SUPT3H: variants seen among roughly 807,000 people sequenced by gnomAD.
SUPT3H encodes the protein SPT3 homolog, SAGA and STAGA complex component.
SUPT3H carries 44 observed loss-of-function variants against 44.3 expected under a neutral mutation model. That is an observed-to-expected ratio of 0.99 (90% CI 0.78 to 1.28). SUPT3H has a LOEUF of 1.28. SUPT3H is among the 50% of genes most tolerant of loss of function. The probability of loss-of-function intolerance (pLI) is 0.00; values close to 1 mark genes in which losing one functional copy is unlikely to be tolerated. For synonymous variants in SUPT3H, 124 were observed against 125.6 expected, an observed-to-expected ratio of 0.99 and a Z score of 0.09; for missense variants, 380 against 387.1, an observed-to-expected ratio of 0.98 and a Z score of 0.15.
intron 10 of SUPT3H, among the ~76,000 whole-genome samples, chr6:44,884,948 GCA>G (rs1342457552): frequency 6.6e-6 from 1 of 151,890 alleles, no homozygotes; most frequent in Non-Finnish European, 1.5e-5. Context: ...AAAAAACGGC[GCA>G]CCAGGAGATT....
intron 10 of SUPT3H, among the ~76,000 whole-genome samples, chr6:44,893,840 A>G (rs1288315315): frequency 2.9e-5 from 4 of 138,718 alleles, no homozygotes; most frequent in Non-Finnish European, 6.4e-5. Flanking sequence ...TCCCACCAAC[A>G]GTGTAAAAGT....
chr6:44,830,019 C>G (rs1768340923), intron 10 of SUPT3H, 162 bp from the exon 11 acceptor site: 1 of 636,878 alleles, frequency 1.6e-6, no homozygotes, highest in Non-Finnish European at 2.7e-6. Flanking sequence ...CTATAGCAAC[C>G]ATTCTGTCTA....
intron 10 of SUPT3H, among the ~76,000 whole-genome samples, chr6:44,842,620 T>TA (rs1771143395): frequency 1.3e-5 from 2 of 152,030 alleles, no homozygotes; most frequent in African/African-American, 4.8e-5. Flanking sequence ...CTATTTTTTT[T>TA]TAAAAAAATG....
intron 11 of SUPT3H, among the ~76,000 whole-genome samples, chr6:44,812,078 G>A (rs73737580): frequency 0.019 from 2,825 of 152,238 alleles, 91 homozygotes; most frequent in African/African-American, 0.064. Context: ...TACAAATGCA[G>A]TTGTGTAATA....
intron 6 of SUPT3H, among the ~76,000 whole-genome samples, chr6:44,964,031 A>G (rs1562149996): frequency 6.6e-6 from 1 of 152,108 alleles, no homozygotes; most frequent in East Asian, 1.9e-4. Flanking sequence ...GTTTATTTAA[A>G]TAAACTCTCT....
chr6:44,980,786 AT>A (rs1778986417), intron 6 of SUPT3H, among the ~76,000 whole-genome samples: 1 of 152,208 alleles, frequency 6.6e-6, no homozygotes, highest in African/African-American at 2.4e-5. Flanking sequence ...ACTTACAAAC[AT>A]TTTTTTAAAT....
intron 3 of SUPT3H, among the ~76,000 whole-genome samples, chr6:45,059,491 G>C (rs555616864): frequency 6.6e-6 from 1 of 152,012 alleles, no homozygotes; most frequent in African/African-American, 2.4e-5. Context: ...ATACTGAATG[G>C]GCAAAAGCTG....
At chr6:45,074,841 A>G (rs1344639408) in intron 3 of SUPT3H, among the ~76,000 whole-genome samples, 1 of 152,134 alleles carries the variant, frequency 6.6e-6, no homozygotes, top group African/African-American at 2.4e-5. Context: ...ATTTACAGAT[A>G]TTATACATAC....
At chr6:45,128,573 C>T (rs1372342188) in intron 2 of SUPT3H, among the ~76,000 whole-genome samples, 2 of 126,714 alleles carry the variant, frequency 1.6e-5, no homozygotes, top group African/African-American at 3.0e-5. Context: ...CACACACACA[C>T]ACACACACAC....
At chr6:45,111,544 A>C (rs1201750154) in intron 2 of SUPT3H, among the ~76,000 whole-genome samples, 6 of 132,908 alleles carry the variant, frequency 4.5e-5, no homozygotes, top group Non-Finnish European at 9.4e-5. Flanking sequence ...CCCCGCAAAA[A>C]AAACAAGCAA....
chr6:45,127,353 C>A (rs1328839736), intron 2 of SUPT3H, among the ~76,000 whole-genome samples: 1 of 152,056 alleles, frequency 6.6e-6, no homozygotes. Flanking sequence ...ACTATGAACA[C>A]TGTCCTCATA....
At chr6:45,288,622 T>C (rs1194398830) in intron 2 of SUPT3H, among the ~76,000 whole-genome samples, 1 of 107,320 alleles carries the variant, frequency 9.3e-6, no homozygotes, top group Non-Finnish European at 1.8e-5. Context: ...TGTATATATA[T>C]ATATATATAT....
chr6:44,972,664 C>T (rs1052589835), intron 6 of SUPT3H, among the ~76,000 whole-genome samples: 3 of 152,210 alleles, frequency 2.0e-5, no homozygotes, highest in African/African-American at 7.2e-5. Flanking sequence ...TCTGCCCCGG[C>T]AACACACCCC....
chr6:45,284,907 C>G (rs557937084), intron 2 of SUPT3H, among the ~76,000 whole-genome samples: 41 of 152,200 alleles, frequency 2.7e-4, no homozygotes, highest in Non-Finnish European at 4.6e-4. Context: ...ATCAAGTGGG[C>G]TTCATCCCTG....
chr6:44,936,030 A>C (rs1249631279), intron 9 of SUPT3H, among the ~76,000 whole-genome samples: 2 of 152,218 alleles, frequency 1.3e-5, no homozygotes, highest in Non-Finnish European at 2.9e-5. Context: ...TCTTCTGCTA[A>C]ATGTAAAATC....
At chr6:44,919,560 A>T (rs1033064577) in intron 10 of SUPT3H, among the ~76,000 whole-genome samples, 1 of 151,630 alleles carries the variant, frequency 6.6e-6, no homozygotes, top group Non-Finnish European at 1.5e-5. Flanking sequence ...TGAATCTTTA[A>T]ATTTAATGCA....
chr6:44,903,246 G>T lies in SUPT3H; in HGVS notation c.912+29407C>A, dbSNP rs549169567. Among the ~76,000 whole-genome samples, 7 of 152,228 alleles carry T rather than the reference G, an allele frequency of 4.6e-5. No individual in the cohort carries two copies. In the South Asian group the frequency reaches 1.2e-3, roughly 27 times the overall value. On this transcript the variant is annotated intron_variant, in intron 10 of 10. Coordinates refer to ENST00000371459, the MANE Select transcript of SUPT3H (RefSeq NM_003599.4). ...AAAAAATCAATGAATCCAGTAGCTG[G>T]TTTTTTGAAAAGAACAACAAAATTG...
At chr6:45,269,433 A>T (rs1021756174) in intron 2 of SUPT3H, among the ~76,000 whole-genome samples, 2 of 152,224 alleles carry the variant, frequency 1.3e-5, no homozygotes, top group African/African-American at 4.8e-5. Context: ...CATCAAAATT[A>T]TTAGTACTGT....
intron 2 of SUPT3H, among the ~76,000 whole-genome samples, chr6:45,347,905 A>T (rs1193111335): frequency 6.6e-6 from 1 of 152,160 alleles, no homozygotes; most frequent in East Asian, 1.9e-4. Flanking sequence ...CAGTATGGTT[A>T]CCTGTGAATG....
Sources: allele counts gnomAD v4.1 joint callset (sites outside exome capture counted in the v4.1 genomes callset), GRCh38; gene constraint gnomAD v4.1.1; transcripts MANE v1.5; gene names NCBI Gene and HGNC (gene_info 2026-07-23, HGNC 2026-07-21).